Variants in EXOC5 observed in about 807,000 individuals in gnomAD.
EXOC5 encodes SEC10-like 1.
A neutral mutation model predicts 90.8 loss-of-function variants in EXOC5; 17 were observed. The observed-to-expected ratio is 0.19, with a 90% CI of 0.13 to 0.28. The LOEUF is 0.28. Ranked by LOEUF, EXOC5 falls within the 10% of genes least tolerant of loss-of-function variation. The probability of loss-of-function intolerance (pLI) is 1.00; values close to 1 mark genes in which losing one functional copy is unlikely to be tolerated. For missense variants in EXOC5, 569 were observed against 830.6 expected (o/e 0.69, Z 3.87); for synonymous variants, 260 against 270.0 (o/e 0.96, Z 0.36).
intron 1 of EXOC5, among the ~76,000 whole-genome samples, chr14:57,263,543 C>T (rs1402368346): frequency 2.0e-5 from 3 of 151,266 alleles, no homozygotes; most frequent in South Asian, 2.1e-4. Flanking sequence ...CGAGGCAGGT[C>T]GATCATGAGG....
chr14:57,246,115 A>C (rs1019097576), intron 3 of EXOC5, among the ~76,000 whole-genome samples: 8 of 152,092 alleles, frequency 5.3e-5, no homozygotes, highest in Non-Finnish European at 7.4e-5. Context: ...CAGAGGTTCC[A>C]GATTAAGTCT....
intron 12 of EXOC5, among the ~76,000 whole-genome samples, chr14:57,222,748 T>TACAC (rs1160922472): frequency 1.4e-5 from 2 of 147,186 alleles, no homozygotes; most frequent in South Asian, 2.2e-4. Context: ...CATATATATA[T>TACAC]ACACACACAC....
intron 1 of EXOC5, among the ~76,000 whole-genome samples, chr14:57,265,009 C>T (rs1437095997): frequency 2.6e-5 from 4 of 151,992 alleles, no homozygotes; most frequent in Admixed American, 2.6e-4. Flanking sequence ...AGAAAGAAAA[C>T]AGTCTCATGG....
At chr14:57,225,172 TTGA>T (rs1223189367) in intron 12 of EXOC5, among the ~76,000 whole-genome samples, 6 of 152,194 alleles carry the variant, frequency 3.9e-5, no homozygotes, top group Non-Finnish European at 8.8e-5. Context: ...CAAAGGTCAA[TTGA>T]TGACCAACTG....
intron 1 of EXOC5, among the ~76,000 whole-genome samples, chr14:57,265,206 C>T (rs1884632800): frequency 6.6e-6 from 1 of 151,022 alleles, no homozygotes; most frequent in African/African-American, 2.4e-5. Context: ...CATGCAGCCT[C>T]GTCAATTTCA....
chr14:57,226,741 T>C (rs1485423370), intron 12 of EXOC5, among the ~76,000 whole-genome samples: 4 of 152,172 alleles, frequency 2.6e-5, no homozygotes, highest in African/African-American at 4.8e-5. Flanking sequence ...GCGGAAAGGA[T>C]AGTCTTTTCA....
intron 4 of EXOC5, among the ~76,000 whole-genome samples, chr14:57,241,886 C>G (rs1883870590): frequency 6.6e-6 from 1 of 152,038 alleles, no homozygotes; most frequent in Non-Finnish European, 1.5e-5. Flanking sequence ...GTAATCCCAG[C>G]ACTTTGGGAG....
At chr14:57,238,936 G>C (rs1883765775) in intron 5 of EXOC5, among the ~76,000 whole-genome samples, 1 of 151,834 alleles carries the variant, frequency 6.6e-6, no homozygotes. Flanking sequence ...GTTTATTAAA[G>C]AGTCTGACAT....
At chr14:57,226,485 A>C (rs1872870686) in intron 12 of EXOC5, among the ~76,000 whole-genome samples, 1 of 152,238 alleles carries the variant, frequency 6.6e-6, no homozygotes, top group Non-Finnish European at 1.5e-5. Flanking sequence ...ATGTAATTCC[A>C]ATCAAAATCT....
rs1340787427 is a variant in EXOC5, at chr14:57,203,082, C to T, written c.*5527G>A. 2.0e-5 allele frequency: 3 copies of T among 152,108 alleles called. No individual in the cohort carries two copies. The highest frequency in any genetic ancestry group is 2.9e-5 in the Non-Finnish European group (2 of 68,032). 9.4% of individuals were successfully genotyped at this position (152,108 alleles called of 1,614,324 possible). A position where few individuals can be genotyped will look rare whatever the true frequency, so the allele number is the denominator to read the frequency against. On this transcript the variant is annotated 3_prime_UTR_variant, in exon 18 of 18. Coordinates refer to ENST00000621441, the MANE Select transcript of EXOC5 (RefSeq NM_006544.4). ...TTCTTTACATCCAGCATTGTCCAGA[C>T]TCTATTTGGATATTTTCTATAGCAA...
intron 1 of EXOC5, among the ~76,000 whole-genome samples, chr14:57,262,562 GTGTA>G (rs1438851646): frequency 7.3e-4 from 98 of 133,998 alleles, no homozygotes; most frequent in African/African-American, 2.9e-3. Flanking sequence ...GTGTGTGTGT[GTGTA>G]TATATATATA....
At chr14:57,263,647 T>C (rs943914520) in intron 1 of EXOC5, among the ~76,000 whole-genome samples, 1 of 140,342 alleles carries the variant, frequency 7.1e-6, no homozygotes, top group African/African-American at 2.7e-5. Flanking sequence ...GCACCTATAA[T>C]CCCAGCTACC....
intron 1 of EXOC5, among the ~76,000 whole-genome samples, chr14:57,257,065 G>A (rs1884367948): frequency 2.6e-5 from 4 of 152,192 alleles, no homozygotes. Context: ...AGATGGCAGT[G>A]ACTCAGATGA....
intron 5 of EXOC5, among the ~76,000 whole-genome samples, chr14:57,238,375 TACACACACACACACAC>T (rs1183693696): frequency 1.3e-5 from 1 of 74,860 alleles, no homozygotes; most frequent in Non-Finnish European, 2.8e-5. Flanking sequence ...TATATATATA[TACACACACACACACAC>T]ACACACACAC....
chr14:57,220,588 C>T (rs1219730762), intron 13 of EXOC5, among the ~76,000 whole-genome samples: 1 of 151,900 alleles, frequency 6.6e-6, no homozygotes, highest in African/African-American at 2.4e-5. Flanking sequence ...TCGCTTGGAG[C>T]CAAGAGTTCA....
chr14:57,241,382 G>T (rs1466529392), intron 4 of EXOC5, among the ~76,000 whole-genome samples: 1 of 152,112 alleles, frequency 6.6e-6, no homozygotes, highest in Non-Finnish European at 1.5e-5. Context: ...TCCTCACCAT[G>T]CCATTTAGTT....
intron 15 of EXOC5, among the ~76,000 whole-genome samples, chr14:57,216,004 T>C (rs1445995557): frequency 6.6e-6 from 1 of 151,682 alleles, no homozygotes; most frequent in Non-Finnish European, 1.5e-5. Flanking sequence ...CATACAAAAA[T>C]CAGTTGTTTT....
At chr14:57,220,163 T>C (rs1324288493) in intron 13 of EXOC5, among the ~76,000 whole-genome samples, 1 of 152,084 alleles carries the variant, frequency 6.6e-6, no homozygotes, top group Non-Finnish European at 1.5e-5. Flanking sequence ...ACAATGATTT[T>C]TTTTTTCTCT....
chr14:57,268,052 G>A (rs1234537624), intron 1 of EXOC5, among the ~76,000 whole-genome samples: 1 of 151,714 alleles, frequency 6.6e-6, no homozygotes, highest in Non-Finnish European at 1.5e-5. Context: ...GAGATAAGTA[G>A]GCCTTTATTG....
Sources: gnomAD v4.1 joint callset for allele counts (sites outside exome capture counted in the v4.1 genomes callset) on GRCh38, gnomAD v4.1.1 for gene constraint, MANE v1.5 for transcripts, NCBI Gene and HGNC (gene_info 2026-07-23, HGNC 2026-07-21) for gene names.